The following DSCAM variants were observed in gnomAD, a reference collection of about 807,000 sequenced individuals.
The protein encoded by DSCAM is cell adhesion molecule DSCAM.
Under a neutral mutation model 217.7 loss-of-function variants are expected in DSCAM, and 47 were observed. The observed-to-expected ratio is 0.22, with a 90% CI of 0.17 to 0.28. The LOEUF (loss-of-function observed/expected upper bound fraction) is 0.28. DSCAM is among the 10% of genes least tolerant of loss of function. DSCAM has a pLI of 1.00. For missense variants in DSCAM, 2,080 were observed against 2,618.3 expected (o/e 0.79, Z 4.49); for synonymous variants, 1,056 against 1,015.3 (o/e 1.04, Z -0.76).
chr21:40,717,441 C>G (rs1355720075), intron 1 of DSCAM, among the ~76,000 whole-genome samples: 2 of 152,228 alleles, frequency 1.3e-5, no homozygotes, highest in Non-Finnish European at 2.9e-5. Context: ...ACATGTCTAT[C>G]CCCTGAAGAA....
Position 40,545,095 on chromosome 21 carries a change from C to T in DSCAM, c.508+147715G>A, listed in dbSNP as rs897081228. On this transcript the variant is annotated intron_variant, in intron 3 of 32. Transcript: ENST00000400454. ...AAGCCCTCAAGAATGAGATTAGTGC[C>T]CTTATGAAAAGACATGAGAGCTTGT... is the stretch of plus-strand genomic sequence containing the variant. 1.1e-4 allele frequency among the ~76,000 whole-genome samples: 16 copies of T among 152,034 alleles called. 1 individual carries two copies. Among genetic ancestry groups the T allele is most frequent in the African/African-American group, 3.1e-4 (13 of 41,398 alleles).
chr21:40,616,529 T>C (rs2146287911), intron 3 of DSCAM, among the ~76,000 whole-genome samples: 1 of 152,272 alleles, frequency 6.6e-6, no homozygotes, highest in South Asian at 2.1e-4. Flanking sequence ...TCACTGAAGT[T>C]CATTGCTGGA....
chr21:40,805,771 C>A (rs1037841586), intron 1 of DSCAM, among the ~76,000 whole-genome samples: 13 of 151,926 alleles, frequency 8.6e-5, no homozygotes, highest in Admixed American at 2.0e-4. Flanking sequence ...TGCAGTGGCC[C>A]CATCTCGGCT....
chr21:40,367,998 A>G (rs1256724622), intron 4 of DSCAM, among the ~76,000 whole-genome samples: 3 of 152,204 alleles, frequency 2.0e-5, no homozygotes, highest in Admixed American at 2.0e-4. Context: ...ACCCTGAGAG[A>G]TACATTTAAA....
intron 24 of DSCAM, 79 bp from the exon 25 acceptor site, chr21:40,080,419 G>T (rs2089438878): frequency 1.6e-6 from 2 of 1,245,074 alleles, no homozygotes; most frequent in South Asian, 1.7e-5. Context: ...CATTTTGTGT[G>T]GGTAATAGAA....
At chr21:40,501,323 T>C (rs1217795462) in intron 3 of DSCAM, among the ~76,000 whole-genome samples, 2 of 152,210 alleles carry the variant, frequency 1.3e-5, no homozygotes, top group Non-Finnish European at 2.9e-5. Flanking sequence ...GAAGTATTGT[T>C]ATTACTTCTG....
At chr21:40,825,266 T>TTTCCTTCCTTCCTTCCTTCCTTCCTTCC (rs142604153) in intron 1 of DSCAM, among the ~76,000 whole-genome samples, 1 of 139,952 alleles carries the variant, frequency 7.1e-6, no homozygotes, top group South Asian at 2.5e-4. Context: ...ATTTTCTTTC[T>TTTCCTTCCTTCCTTCCTTCCTTCCTTCC]TTCCTTCCTT....
intron 20 of DSCAM, 98 bp downstream of exon 20, chr21:40,124,097 G>T: frequency 6.5e-7 from 1 of 1,536,510 alleles, no homozygotes; most frequent in Non-Finnish European, 8.9e-7. Context: ...GAAAGACCCA[G>T]GTAGGTGGGA....
At chr21:40,182,649 GTTA>G (rs2090829186) in intron 14 of DSCAM, among the ~76,000 whole-genome samples, 18 of 126,614 alleles carry the variant, frequency 1.4e-4, no homozygotes, top group East Asian at 2.5e-4. Flanking sequence ...ACAGGAGGGG[GTTA>G]CCAGAGAAAC....
chr21:40,702,178 A>C (rs1411576581), intron 2 of DSCAM, among the ~76,000 whole-genome samples: 1 of 152,204 alleles, frequency 6.6e-6, no homozygotes, highest in East Asian at 1.9e-4. Context: ...TTATGAAATG[A>C]ACTGCTTTAG....
At chr21:40,699,157 G>A (rs12482874) in intron 2 of DSCAM, among the ~76,000 whole-genome samples, 16,200 of 151,924 alleles carry the variant, frequency 0.11, 957 homozygotes, top group Admixed American at 0.17. Context: ...TATCTGTTAC[G>A]GTGATCATTG....
At chr21:40,540,566 A>T (rs1255008941) in intron 3 of DSCAM, among the ~76,000 whole-genome samples, 1 of 152,186 alleles carries the variant, frequency 6.6e-6, no homozygotes, top group African/African-American at 2.4e-5. Context: ...TTAGTGAAGG[A>T]GGCAACAAAC....
intron 16 of DSCAM, among the ~76,000 whole-genome samples, chr21:40,146,086 C>A (rs1410533166): frequency 1.3e-5 from 2 of 151,976 alleles, no homozygotes; most frequent in Non-Finnish European, 2.9e-5. Context: ...AAGCTTTCTC[C>A]GTCCTGAAAG....
At chr21:40,714,187 C>T (rs149107674) in intron 1 of DSCAM, among the ~76,000 whole-genome samples, 7 of 152,122 alleles carry the variant, frequency 4.6e-5, no homozygotes, top group South Asian at 2.1e-4. Flanking sequence ...CCCATTAGGG[C>T]GGTGCTGAGA....
chr21:40,523,091 G>A (rs1481556341), intron 3 of DSCAM, among the ~76,000 whole-genome samples: 1 of 152,024 alleles, frequency 6.6e-6, no homozygotes, highest in Non-Finnish European at 1.5e-5. Flanking sequence ...GAGTAATGCT[G>A]GCAGACACCT....
At chr21:40,364,121 G>A (rs564372521) in intron 4 of DSCAM, among the ~76,000 whole-genome samples, 30 of 152,176 alleles carry the variant, frequency 2.0e-4, no homozygotes, top group Admixed American at 3.9e-4. Flanking sequence ...TCAGTGTGGC[G>A]ATTCCTCAGG....
At chr21:40,624,575 C>G (rs2089572782) in intron 3 of DSCAM, among the ~76,000 whole-genome samples, 1 of 152,072 alleles carries the variant, frequency 6.6e-6, no homozygotes, top group Non-Finnish European at 1.5e-5. Context: ...AGCAGGGTCT[C>G]CTGGAATGCA....
intron 1 of DSCAM, among the ~76,000 whole-genome samples, chr21:40,751,619 A>T (rs1186477074): frequency 1.3e-5 from 2 of 152,214 alleles, no homozygotes; most frequent in Admixed American, 6.5e-5. Context: ...ACTTAAGGCT[A>T]CAAACATGTG....
At chr21:40,276,051 C>T (rs2073682349) in intron 11 of DSCAM, 46 bp downstream of exon 11, 1 of 1,491,928 alleles carries the variant, frequency 6.7e-7, no homozygotes, top group African/African-American at 1.4e-5. Context: ...CCCCCAGAGA[C>T]CTATGTATTT....
Sources: allele counts gnomAD v4.1 joint callset (sites outside exome capture counted in the v4.1 genomes callset), GRCh38; gene constraint gnomAD v4.1.1; transcripts MANE v1.5; gene names NCBI Gene and HGNC (gene_info 2026-07-23, HGNC 2026-07-21).